The following SLC39A14 variants were observed in gnomAD, a reference collection of about 807,000 sequenced individuals.
SLC39A14 encodes the protein solute carrier family 39 member 14, also known as metal cation symporter ZIP14.
Under a neutral mutation model 45.5 loss-of-function variants are expected in SLC39A14, and 19 were observed. The ratio of observed to expected loss-of-function variants is 0.42; its 90% CI spans 0.29 to 0.61. The LOEUF is 0.61. Ranked by LOEUF, SLC39A14 falls within the 20% of genes least tolerant of loss-of-function variation. SLC39A14 has a pLI of 0.22. For synonymous variants in SLC39A14, 264 were observed against 251.3 expected, an observed-to-expected ratio of 1.05 and a Z score of -0.48; for missense variants, 447 against 616.5, an observed-to-expected ratio of 0.73 and a Z score of 2.91.
intron 1 of SLC39A14, among the ~76,000 whole-genome samples, chr8:22,404,199 G>T (rs1835058296): frequency 6.6e-6 from 1 of 152,112 alleles, no homozygotes; most frequent in Non-Finnish European, 1.5e-5. Flanking sequence ...CGAGGTGGGT[G>T]GATCACCTGA....
Position 22,420,054 on chromosome 8 carries a change from A to G in SLC39A14, c.*356A>G. ...TTTGAATCCTTTACCCAACAATGCA[A>G]AAATAGAGCCAATGGTTATAACTTG... On this transcript the variant is annotated 3_prime_UTR_variant, in exon 9 of 9. Coordinates refer to ENST00000381237, the MANE Select transcript of SLC39A14 (RefSeq NM_001128431.4). 1 of 1,010,882 alleles carries G rather than the reference A, an allele frequency of 9.9e-7. No homozygotes were observed. The highest frequency in any genetic ancestry group is 1.2e-6 in the Non-Finnish European group (1 of 846,406). The allele number at this position is 1,010,882 out of a possible 1,614,324, so 62.6% of individuals were successfully genotyped here.
At chr8:22,377,241 G>A (rs1018539672) in intron 1 of SLC39A14, among the ~76,000 whole-genome samples, 1 of 151,602 alleles carries the variant, frequency 6.6e-6, no homozygotes, top group African/African-American at 2.4e-5. Context: ...AGCTCCTTCC[G>A]GTTGTCTCCT....
At chr8:22,425,796 A>AGTG (rs72577326), downstream of SLC39A14, among the ~76,000 whole-genome samples, 1 of 151,630 alleles carries the variant, frequency 6.6e-6, no homozygotes, top group Non-Finnish European at 1.5e-5. Context: ...CCAAGATGGT[A>AGTG]GCATCAATTA....
intron 1 of SLC39A14, among the ~76,000 whole-genome samples, chr8:22,400,765 G>A (rs1314895438): frequency 2.0e-5 from 3 of 152,154 alleles, no homozygotes; most frequent in African/African-American, 7.2e-5. Flanking sequence ...ATCACAGTAG[G>A]GGACTTAAGT....
chr8:22,372,634 C>T (rs559512567), intron 1 of SLC39A14, among the ~76,000 whole-genome samples: 37 of 152,328 alleles, frequency 2.4e-4, no homozygotes, highest in African/African-American at 8.4e-4. Flanking sequence ...AATCCAGTTA[C>T]TGCTTTTATG....
rs114974116 is a variant in SLC39A14 at position 22,411,855 on chromosome 8, T to A, written c.458-182T>A. Reference sequence around the variant, plus strand: ...ATCACTAACAAATTTTCTATTTCTCTCTCCCTCCCTACTTGTCTCTCTCTG... The same window carrying A: ...ATCACTAACAAATTTTCTATTTCTCACTCCCTCCCTACTTGTCTCTCTCTG... On this transcript the variant is annotated intron_variant, in intron 3 of 8. Coordinates refer to ENST00000381237, the MANE Select transcript of SLC39A14 (RefSeq NM_001128431.4). The A allele has an allele frequency of 2.3e-3, 1,308 of 575,716 alleles. 15 individuals carry two copies. Among genetic ancestry groups the A allele is most frequent in the African/African-American group, 0.022 (1,203 of 53,748 alleles). 35.7% of individuals were successfully genotyped at this position (575,716 alleles called of 1,614,324 possible).
At chr8:22,410,552 A>G (rs1057242580) in intron 3 of SLC39A14, among the ~76,000 whole-genome samples, 1 of 152,216 alleles carries the variant, frequency 6.6e-6, no homozygotes, top group African/African-American at 2.4e-5. Flanking sequence ...TTACCAAGTG[A>G]TATGTAGAAT....
At chr8:22,402,762 C>A (rs1425326649) in intron 1 of SLC39A14, among the ~76,000 whole-genome samples, 1 of 129,228 alleles carries the variant, frequency 7.7e-6, no homozygotes, top group African/African-American at 3.2e-5. Flanking sequence ...GAGTGAGACT[C>A]CATTTCAAAA....
downstream of SLC39A14, among the ~76,000 whole-genome samples, chr8:22,423,480 T>C (rs769446774): frequency 6.6e-5 from 10 of 151,870 alleles, 1 homozygote; most frequent in Middle Eastern, 6.8e-3. Context: ...GGACTACAGG[T>C]GCCCGCCACC....
intron 8 of SLC39A14, among the ~76,000 whole-genome samples, chr8:22,418,160 C>T (rs1836001591): frequency 6.6e-6 from 1 of 152,322 alleles, no homozygotes; most frequent in Admixed American, 6.5e-5. Context: ...GCCTCGGCAT[C>T]CCAAAGTGCT....
At chr8:22,405,076 G>A in intron 2 of SLC39A14, 96 bp downstream of exon 2, 1 of 1,139,314 alleles carries the variant, frequency 8.8e-7, no homozygotes, top group Non-Finnish European at 1.3e-6. Flanking sequence ...CTGGCAGCTT[G>A]GCAGAGGTAG....
Position 22,419,730 on chromosome 8 carries a change from C to T in SLC39A14, c.*32C>T, listed in dbSNP as rs1340817704. On this transcript the variant is annotated 3_prime_UTR_variant, in exon 9 of 9. Coordinates refer to ENST00000381237, the MANE Select transcript of SLC39A14 (RefSeq NM_001128431.4). ...GCCAAGAGCCTGTGGGACTGGAAGT[C>T]GGGCCCTGGGCTGCCCGATCGCCAG... 5.1e-6 allele frequency: 8 copies of T among 1,557,352 alleles called. No homozygotes were observed. The highest frequency in any genetic ancestry group is 2.7e-5 in the African/African-American group (2 of 72,980).
intron 1 of SLC39A14, among the ~76,000 whole-genome samples, chr8:22,397,126 C>T (rs6998780): frequency 0.26 from 39,192 of 151,910 alleles, 5,673 homozygotes; most frequent in East Asian, 0.49. Context: ...TTTCAAACTA[C>T]GGATAGGGGT....
Position 22,415,972 on chromosome 8 carries a change from A to G in SLC39A14, c.939+15A>G. 1.2e-6 allele frequency: 2 copies of G among 1,600,298 alleles called. No individual in the cohort carries two copies. The highest frequency in any genetic ancestry group is 1.7e-6 in the Non-Finnish European group (2 of 1,170,594). On this transcript the variant is annotated intron_variant, in intron 6 of 8. Coordinates refer to ENST00000381237, the MANE Select transcript of SLC39A14 (RefSeq NM_001128431.4). The stretch of plus-strand genomic sequence containing the variant: ...TCTCTGTGCAGGTCAGTGGGCCACC[A>G]GCTGCTTGGTGGAGCCTCTAAGAGG...
At chr8:22,379,951 A>G (rs1469384815) in intron 1 of SLC39A14, among the ~76,000 whole-genome samples, 2 of 151,738 alleles carry the variant, frequency 1.3e-5, no homozygotes, top group East Asian at 3.8e-4. Flanking sequence ...AAAAAAAGAA[A>G]AGAAAAGAAA....
chr8:22,415,843 G>A lies in SLC39A14; in HGVS notation c.825G>A (p.Glu275=), dbSNP rs566738273. 2.7e-4 allele frequency: 428 copies of A among 1,613,610 alleles called. 4 individuals are homozygous for A. In the South Asian group the frequency reaches 4.4e-3, roughly 17 times the overall value. The part of the protein sequence containing the change: ...SKKDQEEGVM[E]KLQNGDLDHM... ...AGGACCAGGAGGAGGGGGTGATGGA[G>A]AAGCTGCAGAACGGGGACCTGGACC... The change falls in exon 6 of 9, where the codon GAG becomes GAA. Residue 275 remains glutamate, a synonymous_variant. Transcript: ENST00000381237.
chr8:22,407,812 G>A (rs1008634715), intron 2 of SLC39A14, among the ~76,000 whole-genome samples: 1 of 151,742 alleles, frequency 6.6e-6, no homozygotes, highest in Non-Finnish European at 1.5e-5. Flanking sequence ...CTGGGCTCTA[G>A]CAGTCCCCCT....
chr8:22,383,999 C>G (rs533808395), intron 1 of SLC39A14, among the ~76,000 whole-genome samples: 31 of 152,258 alleles, frequency 2.0e-4, no homozygotes, highest in Middle Eastern at 3.4e-3. Flanking sequence ...AACAGAAATT[C>G]CATGTCTCAG....
chr8:22,374,853 C>G (rs747928081), intron 1 of SLC39A14, among the ~76,000 whole-genome samples: 1 of 149,650 alleles, frequency 6.7e-6, no homozygotes. Flanking sequence ...TCAAGCGATT[C>G]TCCCATCACA....
Sources: gnomAD v4.1 joint callset for allele counts (sites outside exome capture counted in the v4.1 genomes callset) on GRCh38, gnomAD v4.1.1 for gene constraint, MANE v1.5 for transcripts, NCBI Gene and HGNC (gene_info 2026-07-23, HGNC 2026-07-21) for gene names.